The following AGAP1 variants were observed in gnomAD, a reference collection of about 807,000 sequenced individuals.
AGAP1 encodes the protein ArfGAP with GTPase domain, ankyrin repeat and PH domain 1, also known as arf-GAP with GTPase, ANK repeat and PH domain-containing protein 1.
In AGAP1, 29 loss-of-function variants were observed where a neutral mutation model predicts 105.3. The observed-to-expected ratio is 0.28, with a 90% CI of 0.21 to 0.38. AGAP1 has a LOEUF of 0.38. Ranked by LOEUF, AGAP1 falls within the 10% of genes least tolerant of loss-of-function variation. The pLI is 1.00. For synonymous variants in AGAP1, 509 were observed against 485.9 expected (o/e 1.05, Z -0.63); for missense variants, 998 against 1,165.1 (o/e 0.86, Z 2.09).
intron 5 of AGAP1, among the ~76,000 whole-genome samples, chr2:235,746,583 G>A (rs1291948852): frequency 1.3e-5 from 2 of 151,716 alleles, no homozygotes; most frequent in South Asian, 2.1e-4. Context: ...CAGAGTTGCC[G>A]TATTTGAGGT....
At position 235,590,665 on chromosome 2, in the gene AGAP1, ATGTGTG is replaced by A. The variant is rs147286191; in HGVS notation, c.163+95831_163+95836del. Reference sequence around the variant, plus strand: ...GTTTTTTTTGTTTTGTTTTGTTTTAATGTGTGTGTGTGTGTGTGTGCGTGTGCGTGT... The same window carrying A: ...GTTTTTTTTGTTTTGTTTTGTTTTAATGTGTGTGTGTGTGCGTGTGCGTGT... On this transcript the variant is annotated intron_variant, in intron 1 of 17. Transcript: ENST00000304032. Among the ~76,000 whole-genome samples, 590 of 127,458 alleles carry A rather than the reference ATGTGTG, an allele frequency of 4.6e-3. 8 individuals carry two copies. Among genetic ancestry groups the A allele is most frequent in the South Asian group, 0.03 (120 of 3,962 alleles). The allele number at this position is 127,458 out of a possible 152,430, so 83.6% of individuals were successfully genotyped here. A position where few individuals can be genotyped will look rare whatever the true frequency, so the allele number is the denominator to read the frequency against.
rs768645780 is a variant in AGAP1 at position 235,799,379 on chromosome 2, G to A, written c.814G>A (p.Gly272Ser). The change falls in exon 8 of 18, where the codon GGT (glycine) becomes AGT (serine). Residue 272 changes from glycine (G) to serine (S), a missense_variant. Gly to Ser is a moderately conservative substitution (Grantham distance 56). This residue lies in a region of AGAP1 where 735 missense variants were observed against 833.4 expected (regional missense o/e 0.88). Transcript: ENST00000304032. The surrounding 1 kb of genome is among the most constrained non-coding windows in gnomAD (Gnocchi z 5.0). ...AVHISQTSNG[G>S]GSLSDYSSSV... ...TTAATCATTTCAGACAAGTAATGGA[G>A]GTGGGAGTTTAAGCGACTATTCCTC... The A allele has an allele frequency of 1.2e-6, 2 of 1,614,046 alleles. No homozygotes were observed. The highest frequency in any genetic ancestry group is 3.3e-5 in the Admixed American group (2 of 60,018).
chr2:235,895,145 C>T (rs1468338974), intron 10 of AGAP1, among the ~76,000 whole-genome samples: 5 of 152,182 alleles, frequency 3.3e-5, no homozygotes, highest in African/African-American at 9.7e-5. Flanking sequence ...GTGGCCTGCT[C>T]ATAAAGTTTT....
intron 16 of AGAP1, among the ~76,000 whole-genome samples, chr2:236,094,814 GTGGC>G (rs1044937943): frequency 2.0e-5 from 3 of 151,364 alleles, no homozygotes; most frequent in African/African-American, 7.3e-5. Flanking sequence ...CTGGGCAACA[GTGGC>G]TCATGCCTGT....
intron 1 of AGAP1, among the ~76,000 whole-genome samples, chr2:235,683,231 G>A (rs1047737935): frequency 2.0e-5 from 3 of 151,940 alleles, no homozygotes; most frequent in Non-Finnish European, 2.9e-5. Context: ...ACCTGAATTC[G>A]GGAGGCAGAT....
At chr2:235,654,379 A>T (rs1947706391) in intron 1 of AGAP1, among the ~76,000 whole-genome samples, 1 of 152,236 alleles carries the variant, frequency 6.6e-6, no homozygotes, top group Non-Finnish European at 1.5e-5. Flanking sequence ...GGGGATGCTT[A>T]ACTGTGTAAC....
At position 236,109,235 on chromosome 2, in the gene AGAP1, G is replaced by A. The variant is rs1353433171; in HGVS notation, c.2115-10957G>A. ...CATAGATGACAGTGCCACCAGCAGT[G>A]ACCAAGCTCACCTCTGGGACTCAGC... is the stretch of plus-strand genomic sequence containing the variant. On this transcript the variant is annotated intron_variant, in intron 16 of 17. Coordinates refer to ENST00000304032, the MANE Select transcript of AGAP1 (RefSeq NM_001037131.3). This position sits in a 1 kb window ranked among gnomAD's most constrained non-coding sequence, Gnocchi z 5.4. Among the ~76,000 whole-genome samples the A allele has an allele frequency of 9.2e-5, 14 of 152,182 alleles. No homozygotes were observed. The highest frequency in any genetic ancestry group is 1.5e-4 in the Non-Finnish European group (10 of 68,036).
chr2:236,042,932 G>A lies in AGAP1; in HGVS notation c.1891+2091G>A, dbSNP rs768970388. On this transcript the variant is annotated intron_variant, in intron 15 of 17. Coordinates refer to ENST00000304032, the MANE Select transcript of AGAP1 (RefSeq NM_001037131.3). This position sits in a 1 kb window ranked among gnomAD's most constrained non-coding sequence, Gnocchi z 5.6. ...TTTCATTCTGCAACCCTAGTAGTTGGTGCCCCTGTGGGCCCCACTTAAAGG... is the reference window on the plus strand; with the variant it reads ...TTTCATTCTGCAACCCTAGTAGTTGATGCCCCTGTGGGCCCCACTTAAAGG... 1.3e-5 allele frequency among the ~76,000 whole-genome samples: 2 copies of A among 152,230 alleles called. No homozygotes were observed. Among genetic ancestry groups the A allele is most frequent in the Non-Finnish European group, 1.5e-5 (1 of 68,048 alleles).
chr2:236,049,511 T>C, intron 16 of AGAP1: 1 of 465,140 alleles, frequency 2.1e-6, no homozygotes. Context: ...GGGATTTCTC[T>C]CCCCCCTCTT....
Position 235,631,785 on chromosome 2 carries a change from G to A in AGAP1, c.164-77394G>A, listed in dbSNP as rs893705983. On this transcript the variant is annotated intron_variant, in intron 1 of 17. Transcript: ENST00000304032. The surrounding 1 kb of genome is among the most constrained non-coding windows in gnomAD (Gnocchi z 5.4). ...CAGGTGGCGGTGCTAATTAAGTTCC[G>A]GCTGTTGTGACGGTCTCCTCGGCTG... Among the ~76,000 whole-genome samples the A allele has an allele frequency of 2.1e-4, 32 of 152,342 alleles. No homozygotes were observed. Among genetic ancestry groups the A allele is most frequent in the Non-Finnish European group, 3.7e-4 (25 of 68,040 alleles).
At chr2:235,746,376 A>AATTTTTTT (rs1559427651) in intron 5 of AGAP1, among the ~76,000 whole-genome samples, 1 of 44,094 alleles carries the variant, frequency 2.3e-5, no homozygotes. Flanking sequence ...ACCTCCCCCA[A>AATTTTTTT]CTTTTTTTTT....
chr2:235,771,984 TTTTTC>T (rs1489675014), intron 6 of AGAP1, among the ~76,000 whole-genome samples: 3 of 149,130 alleles, frequency 2.0e-5, no homozygotes, highest in South Asian at 2.1e-4. Flanking sequence ...TTTCTTTTTT[TTTTTC>T]TTTTCTTATC....
intron 9 of AGAP1, among the ~76,000 whole-genome samples, chr2:235,832,266 C>T (rs987966812): frequency 6.6e-6 from 1 of 152,128 alleles, no homozygotes; most frequent in African/African-American, 2.4e-5. Context: ...CTTGTCTTCT[C>T]GTTTTCTTGA....
chr2:235,658,419 G>C (rs190397997), intron 1 of AGAP1, among the ~76,000 whole-genome samples: 8 of 152,182 alleles, frequency 5.3e-5, no homozygotes, highest in African/African-American at 1.7e-4. Context: ...TGCTTCGGAC[G>C]GGAAGAATTT....
rs1210611591 is a variant in AGAP1 at position 235,951,644 on chromosome 2, T to C, written c.1484-16818T>C. ...CCCACCCTGGGGAAGGTGGCTCGTG[T>C]CACTACCCTTTGCTACAGCTGTTGT... On this transcript the variant is annotated intron_variant, in intron 12 of 17. Coordinates refer to ENST00000304032, the MANE Select transcript of AGAP1 (RefSeq NM_001037131.3). This position sits in a 1 kb window ranked among gnomAD's most constrained non-coding sequence, Gnocchi z 4.2. Among the ~76,000 whole-genome samples the C allele has an allele frequency of 6.6e-6, 1 of 152,150 alleles. No individual in the cohort carries two copies. The highest frequency in any genetic ancestry group is 2.4e-5 in the African/African-American group (1 of 41,440).
chr2:235,810,276 C>A (rs1958063639), intron 9 of AGAP1, among the ~76,000 whole-genome samples: 1 of 152,326 alleles, frequency 6.6e-6, no homozygotes, highest in East Asian at 1.9e-4. Context: ...ACCGTGTTTG[C>A]CGCAAACATG....
At chr2:235,802,974 G>GTGATTGTGGTGATGGTGA (rs1304678826) in intron 8 of AGAP1, among the ~76,000 whole-genome samples, 8 of 27,580 alleles carry the variant, frequency 2.9e-4, no homozygotes, top group East Asian at 1.5e-3. Context: ...GATGATGGTT[G>GTGATTGTGGTGATGGTGA]TGGTTGTGAT....
rs2057964188 is a variant in AGAP1 at position 236,053,413 on chromosome 2, C to A, written c.2114+4132C>A. ...GCACCAGCAAAGCCGTCTCAGTAAA[C>A]CCGTCCACGCACATCCTCTCTCCCT... is the stretch of plus-strand genomic sequence containing the variant. On this transcript the variant is annotated intron_variant, in intron 16 of 17. Coordinates refer to ENST00000304032, the MANE Select transcript of AGAP1 (RefSeq NM_001037131.3). The surrounding 1 kb of genome is among the most constrained non-coding windows in gnomAD (Gnocchi z 4.6). Among the ~76,000 whole-genome samples, 1 of 152,230 alleles carries A rather than the reference C, an allele frequency of 6.6e-6. No individual in the cohort carries two copies. The highest frequency in any genetic ancestry group is 2.1e-4 in the South Asian group (1 of 4,830).
chr2:235,774,503 C>G (rs1270690121), intron 6 of AGAP1: 1 of 371,130 alleles, frequency 2.7e-6, no homozygotes, highest in Non-Finnish European at 5.6e-6. Context: ...GATTCCAAAC[C>G]TTTAAGTGTA....
Sources: gnomAD v4.1 joint callset for allele counts (sites outside exome capture counted in the v4.1 genomes callset) on GRCh38, gnomAD v4.1.1 for gene constraint, gnomAD v4.1.1 regional missense constraint, Gnocchi (gnomAD v3.1) non-coding constraint, MANE v1.5 for transcripts, NCBI Gene and HGNC (gene_info 2026-07-23, HGNC 2026-07-21) for gene names.